THG1L: variants seen among roughly 807,000 people sequenced by gnomAD.
THG1L encodes the protein tRNA-histidine guanylyltransferase 1 like.
THG1L carries 27 observed loss-of-function variants against 35.2 expected under a neutral mutation model. That is an observed-to-expected ratio of 0.77 (90% CI 0.57 to 1.06). The LOEUF (loss-of-function observed/expected upper bound fraction) is 1.06, where lower values mean the gene tolerates loss of function less well. Among genes scored for constraint, THG1L ranks in the 50% least tolerant of loss-of-function variants. The probability of loss-of-function intolerance (pLI) is 0.00; values close to 1 mark genes in which losing one functional copy is unlikely to be tolerated. For missense variants in THG1L, 377 were observed against 371.8 expected (o/e 1.01, Z -0.12); for synonymous variants, 135 against 132.4 (o/e 1.02, Z -0.14).
chr5:157,738,658 G>A, intron 5 of THG1L: 1 of 435,256 alleles, frequency 2.3e-6, no homozygotes, highest in Non-Finnish European at 4.5e-6. Context: ...CATTCCACTG[G>A]CAACTCCAGC....
At chr5:157,731,854 A>G (rs1760732094) in intron 1 of THG1L, among the ~76,000 whole-genome samples, 1 of 152,246 alleles carries the variant, frequency 6.6e-6, no homozygotes, top group Non-Finnish European at 1.5e-5. Context: ...TCCCGTGATG[A>G]GGATCTGGCT....
chr5:157,731,668 G>C lies in THG1L; in HGVS notation c.191+37G>C, dbSNP rs193084201. The C allele has an allele frequency of 1.4e-5, 22 of 1,569,852 alleles. No individual in the cohort carries two copies. In the East Asian group the frequency reaches 4.8e-4, roughly 34 times the overall value. On this transcript the variant is annotated intron_variant, in intron 1 of 5. Coordinates refer to ENST00000231198, the MANE Select transcript of THG1L (RefSeq NM_017872.5). ...CGACTCGGGGCGTCGCGATGCGCCA[G>C]CGCTTCCGGGGAATCCAGCTTCTTC...
At chr5:157,731,667 A>G (rs1760723369) in intron 1 of THG1L, 36 bp downstream of exon 1, 2 of 1,571,484 alleles carry the variant, frequency 1.3e-6, no homozygotes, top group Admixed American at 1.8e-5. Flanking sequence ...GCGATGCGCC[A>G]GCGCTTCCGG....
At chr5:157,731,675 C>G (rs1561610144) in intron 1 of THG1L, 44 bp downstream of exon 1, 2 of 1,561,790 alleles carry the variant, frequency 1.3e-6, no homozygotes, top group African/African-American at 2.7e-5. Context: ...CCAGCGCTTC[C>G]GGGGAATCCA....
chr5:157,731,428 T>G lies in THG1L; in HGVS notation c.-13T>G. On this transcript the variant is annotated 5_prime_UTR_variant, in exon 1 of 6. Coordinates refer to ENST00000231198, the MANE Select transcript of THG1L (RefSeq NM_017872.5). ...GGGCGGGGCTATCTGGCCCTTTCCT[T>G]TCCGCGTGTAGAATGTGGGGCGCCT... 6.3e-7 allele frequency: 1 copy of G among 1,576,182 alleles called. No individual in the cohort carries two copies.
rs1169940664 is a variant in THG1L, at chr5:157,734,559, T to C, written c.369-17T>C. 1 of 1,613,380 alleles carries C rather than the reference T, an allele frequency of 6.2e-7. No individual in the cohort carries two copies. ...TTTCTTTTTCTTACTCCACCCAATG[T>C]GCGTTACATTTTCAAGTAAGTTCAT... is the stretch of plus-strand genomic sequence containing the variant. On this transcript the variant is annotated splice_polypyrimidine_tract_variant and intron_variant, in intron 2 of 5. Coordinates refer to ENST00000231198, the MANE Select transcript of THG1L (RefSeq NM_017872.5).
At chr5:157,734,799 AG>A (rs1271414344) in intron 3 of THG1L, 54 bp downstream of exon 3, 4 of 1,604,296 alleles carry the variant, frequency 2.5e-6, no homozygotes, top group African/African-American at 2.7e-5. Context: ...CATGTCTTAC[AG>A]GTGTTGATCT....
At chr5:157,731,776 C>A in intron 1 of THG1L, 145 bp downstream of exon 1, 2 of 1,060,902 alleles carry the variant, frequency 1.9e-6, no homozygotes, top group Non-Finnish European at 1.3e-6. Context: ...GAGCATTGCC[C>A]CGCCCTGCGT....
intron 4 of THG1L, among the ~76,000 whole-genome samples, chr5:157,737,576 A>G (rs2270815): frequency 0.34 from 52,272 of 151,834 alleles, 9,141 homozygotes; most frequent in East Asian, 0.54. Flanking sequence ...CAACCTTTTA[A>G]CCTTGGGGAA....
rs201525305 is a variant in THG1L at position 157,731,616 on chromosome 5, G to A, written c.176G>A (p.Gly59Asp). The A allele has an allele frequency of 1.3e-6, 2 of 1,595,686 alleles. No individual in the cohort carries two copies. The highest frequency in any genetic ancestry group is 1.3e-5 in the African/African-American group (1 of 74,286). ...TGCTGGGTGGTAGTGCGGCTGGACG[G>A]CCGGAATTTCCATCGGTGAGCGAGC... The part of the protein sequence containing the change: ...AHCWVVVRLD[G>D]RNFHRFAEKH... Residue 59 changes from glycine (G) to aspartate (D), a missense_variant, in exon 1 of 6, where the codon GGC becomes GAC. Physicochemically the swap from Gly to Asp is moderately conservative, Grantham distance 94. Coordinates refer to ENST00000231198, the MANE Select transcript of THG1L (RefSeq NM_017872.5).
chr5:157,733,026 G>T lies in THG1L; in HGVS notation c.350G>T (p.Trp117Leu). ...YSFVFKRKTNWFKRRASKFMT... is the reference protein window; with the variant it reads ...YSFVFKRKTNLFKRRASKFMT... ...TTTGTGTTCAAGCGGAAAACCAATT[G>T]GTTTAAAAGAAGAGCCAGGTAATTC... Residue 117 changes from tryptophan to leucine, a missense_variant, in exon 2 of 6, where the codon TGG becomes TTG. Transcript: ENST00000231198. 1 of 1,613,850 alleles carries T rather than the reference G, an allele frequency of 6.2e-7. No individual in the cohort carries two copies. The highest frequency in any genetic ancestry group is 1.1e-5 in the South Asian group (1 of 91,042).
chr5:157,738,114 C>T, intron 5 of THG1L, 120 bp downstream of exon 5: 1 of 735,434 alleles, frequency 1.4e-6, no homozygotes, highest in South Asian at 1.7e-5. Flanking sequence ...TAATGCAAAC[C>T]TTTCCAAGAG....
At position 157,737,841 on chromosome 5, in the gene THG1L, G is replaced by A. The variant is rs761731396; in HGVS notation, c.628-46G>A. On this transcript the variant is annotated intron_variant, in intron 4 of 5. Transcript: ENST00000231198. ...TCGAATGGATAGTAGCACTAGGGGA[G>A]AAAGAAGACATGCAGAGCTTTTAAT... The A allele has an allele frequency of 4.0e-6, 6 of 1,507,022 alleles. No individual in the cohort carries two copies. In the South Asian group the frequency reaches 7.0e-5, roughly 18 times the overall value. 93.4% of individuals were successfully genotyped at this position (1,507,022 alleles called of 1,614,324 possible). A position where few individuals can be genotyped will look rare whatever the true frequency, so the allele number is the denominator to read the frequency against.
intron 4 of THG1L, among the ~76,000 whole-genome samples, chr5:157,736,438 C>G (rs1446140268): frequency 6.6e-6 from 1 of 151,996 alleles, no homozygotes; most frequent in Non-Finnish European, 1.5e-5. Context: ...TTAGTAGAGA[C>G]AGGGTTTCAC....
chr5:157,737,910 T>A lies in THG1L; in HGVS notation c.651T>A (p.Asn217Lys). 2 of 1,612,116 alleles carry A rather than the reference T, an allele frequency of 1.2e-6. No individual in the cohort carries two copies. The highest frequency in any genetic ancestry group is 1.7e-6 in the Non-Finnish European group (2 of 1,178,748). ...AGGGAACTCTTGCAGCAGACAAGAA[T>A]GAGATTTTGTTTTCTGAATTCAACA... ...RLQGTLAADK[N>K]EILFSEFNIN... The change falls in exon 5 of 6, where the codon AAT becomes AAA. Residue 217 changes from asparagine (N) to lysine (K), a missense_variant. Asn to Lys is a moderately conservative substitution (Grantham distance 94). Transcript: ENST00000231198.
chr5:157,736,038 C>A, intron 4 of THG1L, 104 bp downstream of exon 4: 1 of 746,454 alleles, frequency 1.3e-6, no homozygotes, highest in East Asian at 2.9e-5. Flanking sequence ...TTTAAGATCC[C>A]TGTACAGCTT....
Position 157,739,337 on chromosome 5 carries a change from C to CAA in THG1L, c.755_756dup (p.Glu253LysfsTer16), listed in dbSNP as rs1760973404. ...TACCTGTAGGTGGATGAAGTGATGACAAAAGAAATTAAGCTGCCAACAGAA... is the reference window on the plus strand; with the variant it reads ...TACCTGTAGGTGGATGAAGTGATGACAAAAAAGAAATTAAGCTGCCAACAGAA... On this transcript the variant is annotated frameshift_variant, in exon 6 of 6. Transcript: ENST00000231198. LOFTEE classifies it high-confidence loss of function. The CAA allele has an allele frequency of 6.2e-6, 10 of 1,612,708 alleles. No homozygotes were observed. The highest frequency in any genetic ancestry group is 7.6e-6 in the Non-Finnish European group (9 of 1,179,350).
intron 3 of THG1L, among the ~76,000 whole-genome samples, chr5:157,735,038 T>TG (rs1296434157): frequency 6.6e-6 from 1 of 151,796 alleles, no homozygotes; most frequent in Non-Finnish European, 1.5e-5. Context: ...CCTGGGTTCA[T>TG]GGGATTCTTC....
chr5:157,738,411 G>T (rs1419842747), intron 5 of THG1L, among the ~76,000 whole-genome samples: 1 of 152,082 alleles, frequency 6.6e-6, no homozygotes, highest in Non-Finnish European at 1.5e-5. Context: ...ATGTATATGA[G>T]GGTTTGTTAT....
Sources: gnomAD v4.1 joint callset for allele counts (sites outside exome capture counted in the v4.1 genomes callset) on GRCh38, gnomAD v4.1.1 for gene constraint, MANE v1.5 for transcripts, NCBI Gene and HGNC (gene_info 2026-07-23, HGNC 2026-07-21) for gene names.